TAFA1: variants seen among roughly 807,000 people sequenced by gnomAD.
TAFA1 encodes the protein chemokine-like protein TAFA-1.
In TAFA1, 4 loss-of-function variants were observed where a neutral mutation model predicts 18.5. The ratio of observed to expected loss-of-function variants is 0.22; its 90% confidence interval spans 0.11 to 0.49. The LOEUF (loss-of-function observed/expected upper bound fraction) is 0.49. Ranked by LOEUF, TAFA1 falls within the 20% of genes least tolerant of loss-of-function variation. The probability of loss-of-function intolerance (pLI) is 0.98; values close to 1 mark genes in which losing one functional copy is unlikely to be tolerated. For synonymous variants in TAFA1, 56 were observed against 55.2 expected (o/e 1.01, Z -0.06); for missense variants, 147 against 169.0 (o/e 0.87, Z 0.72).
At chr3:68,476,777 G>A (rs916125760) in intron 3 of TAFA1, among the ~76,000 whole-genome samples, 2 of 152,064 alleles carry the variant, frequency 1.3e-5, no homozygotes, top group African/African-American at 4.8e-5. Flanking sequence ...GAACCCATTT[G>A]TAACCAGAAA....
chr3:68,543,066 G>T (rs2073403353), intron 4 of TAFA1, among the ~76,000 whole-genome samples: 1 of 152,144 alleles, frequency 6.6e-6, no homozygotes, highest in Non-Finnish European at 1.5e-5. Flanking sequence ...GTAAAATTGT[G>T]AGGGACGTAT....
Position 68,126,527 on chromosome 3 carries a change from A to G in TAFA1, c.118+119783A>G, listed in dbSNP as rs563288992. ...AAGTTGGCAAATTTGTTGATTCTCT[A>G]TCTTTTCAAAAATGTATATATTCCA... On this transcript the variant is annotated intron_variant, in intron 2 of 4. Transcript: ENST00000478136. Among the ~76,000 whole-genome samples, 6 of 152,328 alleles carry G rather than the reference A, an allele frequency of 3.9e-5. No individual in the cohort carries two copies. The South Asian group carries it at 1.2e-3, about 32-fold the overall frequency.
chr3:68,205,689 T>C (rs1233667423), intron 2 of TAFA1, among the ~76,000 whole-genome samples: 3 of 151,780 alleles, frequency 2.0e-5, no homozygotes, highest in Non-Finnish European at 4.4e-5. Flanking sequence ...AAATAGACTA[T>C]TAATAAAGTA....
At chr3:68,542,436 T>C (rs186357081) in intron 4 of TAFA1, among the ~76,000 whole-genome samples, 60 of 152,290 alleles carry the variant, frequency 3.9e-4, no homozygotes, top group Non-Finnish European at 6.8e-4. Context: ...CGTCTTTTCT[T>C]TAAACTATAT....
intron 2 of TAFA1, among the ~76,000 whole-genome samples, chr3:68,156,500 A>G (rs2065868402): frequency 6.6e-6 from 1 of 152,180 alleles, no homozygotes; most frequent in Admixed American, 6.5e-5. Flanking sequence ...CAGTTTCCTC[A>G]TCTGCAAAAT....
intron 2 of TAFA1, among the ~76,000 whole-genome samples, chr3:68,162,979 T>G (rs1477860467): frequency 6.6e-6 from 1 of 152,216 alleles, no homozygotes; most frequent in Non-Finnish European, 1.5e-5. Flanking sequence ...AAGCACAATG[T>G]TAATGAGATT....
intron 3 of TAFA1, among the ~76,000 whole-genome samples, chr3:68,475,491 A>G (rs2106639986): frequency 6.6e-6 from 1 of 152,236 alleles, no homozygotes; most frequent in East Asian, 1.9e-4. Flanking sequence ...ACATGAGCTC[A>G]TCATTTTTTA....
intron 3 of TAFA1, among the ~76,000 whole-genome samples, chr3:68,467,296 A>C (rs1299980460): frequency 6.6e-6 from 1 of 152,192 alleles, no homozygotes; most frequent in African/African-American, 2.4e-5. Context: ...TAAGAGATTA[A>C]AGTAAAGACA....
chr3:67,997,186 G>A, the TAFA1 span, among the ~76,000 whole-genome samples: 3,154 of 152,324 alleles, frequency 0.021, 43 homozygotes, highest in Middle Eastern at 0.037. Flanking sequence ...AAGGTATAGA[G>A]AAGTGAGAAA....
chr3:68,401,124 C>T (rs1467071090), intron 2 of TAFA1, among the ~76,000 whole-genome samples: 1 of 152,122 alleles, frequency 6.6e-6, no homozygotes, highest in African/African-American at 2.4e-5. Context: ...ATGTATTTCA[C>T]AAACACATAT....
chr3:68,246,548 C>T (rs2067081753), intron 2 of TAFA1, among the ~76,000 whole-genome samples: 1 of 132,746 alleles, frequency 7.5e-6, no homozygotes, highest in Non-Finnish European at 1.5e-5. Context: ...CGAGATGGTG[C>T]CACCGCACTC....
intron 2 of TAFA1, among the ~76,000 whole-genome samples, chr3:68,188,837 TG>T (rs111703594): frequency 6.6e-6 from 1 of 151,782 alleles, no homozygotes; most frequent in Non-Finnish European, 1.5e-5. Flanking sequence ...TCCAGAATAG[TG>T]GGGGTTTTTT....
chr3:68,290,591 C>T (rs2068087685), intron 2 of TAFA1, among the ~76,000 whole-genome samples: 1 of 152,046 alleles, frequency 6.6e-6, no homozygotes, highest in African/African-American at 2.4e-5. Context: ...ATATTCTGAA[C>T]CCCAGCTGCT....
intron 3 of TAFA1, among the ~76,000 whole-genome samples, chr3:68,466,078 A>G (rs1348289673): frequency 2.0e-5 from 3 of 152,042 alleles, no homozygotes; most frequent in Admixed American, 6.6e-5. Flanking sequence ...TAAATATTGC[A>G]CTTATTCTTC....
chr3:68,088,923 T>C (rs1455312038), intron 2 of TAFA1, among the ~76,000 whole-genome samples: 6 of 152,056 alleles, frequency 3.9e-5, no homozygotes. Context: ...TGATCGGACA[T>C]GCTGGTAACT....
At chr3:68,464,274 A>G (rs1309463759) in intron 3 of TAFA1, among the ~76,000 whole-genome samples, 2 of 152,214 alleles carry the variant, frequency 1.3e-5, no homozygotes, top group Non-Finnish European at 2.9e-5. Flanking sequence ...GTGAATGAAA[A>G]TGCAAAAAGA....
chr3:68,380,441 C>A (rs928075517), intron 2 of TAFA1, among the ~76,000 whole-genome samples: 2 of 152,116 alleles, frequency 1.3e-5, no homozygotes, highest in Non-Finnish European at 2.9e-5. Flanking sequence ...TGTTTCCTGA[C>A]TTTTTAATGA....
chr3:68,115,331 C>T (rs750727417), intron 2 of TAFA1, among the ~76,000 whole-genome samples: 11 of 152,126 alleles, frequency 7.2e-5, no homozygotes, highest in Non-Finnish European at 1.5e-4. Flanking sequence ...GAATCTGTTG[C>T]TTACAACCCA....
intron 2 of TAFA1, among the ~76,000 whole-genome samples, chr3:68,071,028 C>T (rs774086645): frequency 4.6e-5 from 7 of 152,240 alleles, no homozygotes; most frequent in Admixed American, 1.3e-4. Flanking sequence ...CTGTTTGTTA[C>T]CTAGTTCCAA....
Sources: allele counts gnomAD v4.1 joint callset (sites outside exome capture counted in the v4.1 genomes callset), GRCh38; gene constraint gnomAD v4.1.1; transcripts MANE v1.5; gene names NCBI Gene and HGNC (gene_info 2026-07-23, HGNC 2026-07-21).